RMDN2: variants seen among roughly 807,000 people sequenced by gnomAD.
RMDN2 encodes regulator of microtubule dynamics protein 2.
RMDN2 carries 61 observed loss-of-function variants against 52.8 expected under a neutral mutation model. The ratio of observed to expected loss-of-function variants is 1.16; its 90% CI spans 0.94 to 1.43. RMDN2 has a LOEUF of 1.43. Among genes scored for constraint, RMDN2 ranks in the 40% most tolerant of loss-of-function variants. The pLI is 0.00. For synonymous variants in RMDN2, 180 were observed against 153.1 expected, an observed-to-expected ratio of 1.18 and a Z score of -1.30; for missense variants, 592 against 475.3, an observed-to-expected ratio of 1.25 and a Z score of -2.28.
chr2:38,033,111 A>G (rs906576401), intron 10 of RMDN2: 1 of 152,210 alleles, frequency 6.6e-6, no homozygotes, highest in Admixed American at 6.5e-5. Context: ...ACAGACATGT[A>G]GTAGTATCTC....
intron 2 of RMDN2, among the ~76,000 whole-genome samples, chr2:37,973,278 G>C (rs1283263121): frequency 6.6e-6 from 1 of 152,196 alleles, no homozygotes; most frequent in Non-Finnish European, 1.5e-5. Flanking sequence ...GTAGGCAATA[G>C]TATTAATTTT....
At chr2:38,066,849 T>G in intron 10 of RMDN2, 3 of 720,974 alleles carry the variant, frequency 4.2e-6, no homozygotes, top group Non-Finnish European at 7.4e-6. Flanking sequence ...GTCATACATC[T>G]GGAAAACTAG....
chr2:37,944,562 G>T (rs551086522), intron 2 of RMDN2, among the ~76,000 whole-genome samples: 3 of 152,306 alleles, frequency 2.0e-5, no homozygotes, highest in African/African-American at 7.2e-5. Context: ...TAATGTGTTT[G>T]GTCAAGTAAA....
intron 10 of RMDN2, among the ~76,000 whole-genome samples, chr2:38,033,680 A>G (rs73926977): frequency 0.067 from 10,224 of 152,326 alleles, 378 homozygotes; most frequent in Middle Eastern, 0.11. Flanking sequence ...AAATACTTTT[A>G]AAGTTGAATT....
intron 10 of RMDN2, chr2:38,033,053 G>A (rs948150442): frequency 1.5e-4 from 23 of 152,060 alleles, no homozygotes; most frequent in Admixed American, 8.5e-4. Context: ...CCATGTTCTC[G>A]TTAACACTTG....
At chr2:37,969,738 A>G (rs928335030) in intron 2 of RMDN2, among the ~76,000 whole-genome samples, 1 of 152,108 alleles carries the variant, frequency 6.6e-6, no homozygotes, top group Non-Finnish European at 1.5e-5. Context: ...ATATTTTTCT[A>G]TTCTTGATTT....
chr2:38,053,684 C>T (rs2125302335), intron 10 of RMDN2, among the ~76,000 whole-genome samples: 1 of 152,164 alleles, frequency 6.6e-6, no homozygotes, highest in East Asian at 1.9e-4. Flanking sequence ...CGTTTCTATG[C>T]TAAGTTGAAT....
chr2:38,045,555 C>T (rs2125293936), intron 10 of RMDN2, among the ~76,000 whole-genome samples: 1 of 152,058 alleles, frequency 6.6e-6, no homozygotes, highest in South Asian at 2.1e-4. Context: ...CCCAACCACC[C>T]TCCACCAAAA....
intron 2 of RMDN2, chr2:37,951,765 A>C: frequency 1.2e-6 from 2 of 1,613,214 alleles, no homozygotes; most frequent in Non-Finnish European, 1.7e-6. Flanking sequence ...TGAATATAAC[A>C]CTAAAAATTT....
intron 10 of RMDN2, 34 bp downstream of exon 10, chr2:38,004,250 C>A: frequency 7.1e-7 from 1 of 1,411,524 alleles, no homozygotes; most frequent in South Asian, 1.2e-5. Context: ...GTGCTGTTGT[C>A]TTGTTAGTAC....
chr2:37,949,350 A>G (rs1487821593), intron 2 of RMDN2, among the ~76,000 whole-genome samples: 1 of 152,202 alleles, frequency 6.6e-6, no homozygotes, highest in Non-Finnish European at 1.5e-5. Context: ...GAAGTGGTAG[A>G]TCATCTAAGC....
chr2:37,962,218 C>T (rs966159253), intron 2 of RMDN2, among the ~76,000 whole-genome samples: 3 of 152,226 alleles, frequency 2.0e-5, no homozygotes, highest in Admixed American at 6.5e-5. Flanking sequence ...AGCTCAAGTG[C>T]TGTGGTGGGA....
intron 2 of RMDN2, among the ~76,000 whole-genome samples, chr2:37,936,926 T>A (rs1291480160): frequency 6.6e-6 from 1 of 152,224 alleles, no homozygotes; most frequent in Non-Finnish European, 1.5e-5. Context: ...TTTTGGCTTT[T>A]GCTGCAATTG....
At chr2:38,003,839 G>A in intron 8 of RMDN2, 152 bp from the exon 9 acceptor site, 2 of 653,538 alleles carry the variant, frequency 3.1e-6, no homozygotes, top group Admixed American at 2.4e-5. Context: ...TACTTAAACT[G>A]ATCAAGTGAT....
intron 10 of RMDN2, among the ~76,000 whole-genome samples, chr2:38,004,926 C>T (rs1459540961): frequency 6.6e-6 from 1 of 151,884 alleles, no homozygotes; most frequent in East Asian, 1.9e-4. Flanking sequence ...TCAGTTCCCA[C>T]CTATGAGTGA....
At chr2:37,984,057 A>G (rs1673669785) in intron 5 of RMDN2, among the ~76,000 whole-genome samples, 1 of 152,230 alleles carries the variant, frequency 6.6e-6, no homozygotes, top group Admixed American at 6.5e-5. Flanking sequence ...ACAAACCTTC[A>G]GTTTGAAACA....
At chr2:38,056,089 A>G (rs1306981430) in intron 10 of RMDN2, among the ~76,000 whole-genome samples, 1 of 152,120 alleles carries the variant, frequency 6.6e-6, no homozygotes, top group East Asian at 1.9e-4. Flanking sequence ...AGCACATCAC[A>G]TTCATTCAAA....
intron 2 of RMDN2, among the ~76,000 whole-genome samples, chr2:37,945,795 C>T (rs776904646): frequency 1.3e-5 from 2 of 152,128 alleles, no homozygotes; most frequent in Non-Finnish European, 2.9e-5. Context: ...AGGCAACTTA[C>T]TGGTCAGGGA....
At chr2:38,030,215 A>G (rs918090503) in intron 10 of RMDN2, 1 of 152,212 alleles carries the variant, frequency 6.6e-6, no homozygotes, top group African/African-American at 2.4e-5. Context: ...CCACAAAAAC[A>G]TTACAGATCT....
Sources: allele counts gnomAD v4.1 joint callset (sites outside exome capture counted in the v4.1 genomes callset), GRCh38; gene constraint gnomAD v4.1.1; transcripts MANE v1.5; gene names NCBI Gene and HGNC (gene_info 2026-07-23, HGNC 2026-07-21).